PCDHA3: variants seen among roughly 807,000 people sequenced by gnomAD.
PCDHA3 encodes the protein protocadherin alpha 3, also known as protocadherin alpha-3.
Under a neutral mutation model 62.2 loss-of-function variants are expected in PCDHA3, and 41 were observed. That is an observed-to-expected ratio of 0.66 (90% CI 0.51 to 0.86). PCDHA3 has a LOEUF of 0.86. Among genes scored for constraint, PCDHA3 ranks in the 40% least tolerant of loss-of-function variants. The pLI is 0.00. For synonymous variants in PCDHA3, 640 were observed against 555.4 expected (o/e 1.15, Z -2.14); for missense variants, 1,304 against 1,241.2 (o/e 1.05, Z -0.76).
intron 1 of PCDHA3, among the ~76,000 whole-genome samples, chr5:140,960,799 A>C (rs2095571237): frequency 6.6e-6 from 1 of 152,170 alleles, no homozygotes; most frequent in Non-Finnish European, 1.5e-5. Flanking sequence ...TTTCTATTAA[A>C]ATAAGAGGTC....
intron 1 of PCDHA3, chr5:140,823,128 T>G: frequency 3.7e-6 from 6 of 1,613,702 alleles, no homozygotes; most frequent in South Asian, 1.1e-5. Flanking sequence ...ACGACAACGC[T>G]CCGGCGTTCG....
chr5:140,927,848 G>A (rs1295513512), intron 1 of PCDHA3: 3 of 1,614,062 alleles, frequency 1.9e-6, no homozygotes, highest in Non-Finnish European at 2.5e-6. Context: ...GGTGTCTTTG[G>A]TTTAGCTAGC....
chr5:140,849,637 C>A lies in PCDHA3; in HGVS notation c.2394+46046C>A, dbSNP rs1581190048. ...AGTGTGATCGACCTAGACGCAGATG[C>A]CAACGGGCAGGTTACCTGCTCCCTG... On this transcript the variant is annotated intron_variant, in intron 1 of 3. Coordinates refer to ENST00000522353, the MANE Select transcript of PCDHA3 (RefSeq NM_018906.3). 4 of 1,598,688 alleles carry A rather than the reference C, an allele frequency of 2.5e-6. No homozygotes were observed. In the East Asian group the frequency reaches 8.9e-5, roughly 36 times the overall value.
intron 1 of PCDHA3, among the ~76,000 whole-genome samples, chr5:140,916,824 T>C (rs1207821220): frequency 6.6e-6 from 1 of 152,124 alleles, no homozygotes; most frequent in Non-Finnish European, 1.5e-5. Context: ...GCCACCCCTA[T>C]CCCTCTGGTT....
At chr5:140,997,604 G>A (rs1271144424) in intron 3 of PCDHA3, among the ~76,000 whole-genome samples, 2 of 152,136 alleles carry the variant, frequency 1.3e-5, no homozygotes, top group East Asian at 1.9e-4. Flanking sequence ...ATTATGGGGC[G>A]CATGACTATA....
intron 1 of PCDHA3, chr5:140,860,712 G>C (rs1200202390): frequency 5.3e-5 from 8 of 152,188 alleles, no homozygotes; most frequent in African/African-American, 1.9e-4. Flanking sequence ...TGTTCTCCAT[G>C]AAAAGTTTTT....
chr5:140,905,826 T>C (rs782149349), intron 1 of PCDHA3, among the ~76,000 whole-genome samples: 8 of 152,170 alleles, frequency 5.3e-5, no homozygotes, highest in Non-Finnish European at 7.3e-5. Flanking sequence ...TAGATGTGTA[T>C]ATAAAGGGGA....
intron 1 of PCDHA3, chr5:140,834,468 G>A: frequency 6.2e-7 from 1 of 1,614,146 alleles, no homozygotes; most frequent in Non-Finnish European, 8.5e-7. Flanking sequence ...GGCAGGGAGA[G>A]GCCAGCTCCA....
intron 1 of PCDHA3, chr5:140,867,818 C>G (rs1319756642): frequency 6.6e-6 from 1 of 152,040 alleles, no homozygotes; most frequent in African/African-American, 2.4e-5. Flanking sequence ...AATTCCATTT[C>G]CACAAGCACT....
chr5:140,972,270 G>T (rs2096527606), intron 1 of PCDHA3, among the ~76,000 whole-genome samples: 2 of 151,190 alleles, frequency 1.3e-5, no homozygotes, highest in African/African-American at 4.9e-5. Context: ...CTCCTGAGTA[G>T]CTTGGACCAT....
chr5:140,872,003 A>G (rs1314439086), intron 1 of PCDHA3, among the ~76,000 whole-genome samples: 1 of 152,202 alleles, frequency 6.6e-6, no homozygotes, highest in South Asian at 2.1e-4. Context: ...GGCTATTTAC[A>G]GGTGACCTGT....
intron 1 of PCDHA3, chr5:140,867,234 G>T (rs782656807): frequency 2.0e-5 from 3 of 152,032 alleles, no homozygotes; most frequent in African/African-American, 4.8e-5. Context: ...CCATAATAAG[G>T]TGATTGAGGA....
intron 1 of PCDHA3, chr5:140,843,069 G>A (rs2150351711): frequency 5.6e-6 from 9 of 1,595,200 alleles, no homozygotes; most frequent in Admixed American, 1.7e-5. Flanking sequence ...CTGGTGCCGC[G>A]GTCTGTGGGC....
At chr5:140,884,388 T>C in intron 1 of PCDHA3, 1 of 1,613,960 alleles carries the variant, frequency 6.2e-7, no homozygotes, top group Non-Finnish European at 8.5e-7. Flanking sequence ...ATCTGCGCGG[T>C]GTCCAGCCTG....
At chr5:140,919,014 A>G (rs1008657889) in intron 1 of PCDHA3, among the ~76,000 whole-genome samples, 1 of 152,184 alleles carries the variant, frequency 6.6e-6, no homozygotes, top group Non-Finnish European at 1.5e-5. Context: ...TTCATTTCCT[A>G]GTGATCTTCT....
chr5:140,884,634 G>T (rs1263952131), intron 1 of PCDHA3: 2 of 1,612,298 alleles, frequency 1.2e-6, no homozygotes, highest in Middle Eastern at 1.6e-4. Context: ...ACAGGCCAGA[G>T]GGAGGAGGAC....
rs1554125129 is a variant in PCDHA3, at chr5:140,809,304, C to A, written c.2394+5713C>A. 4 of 1,614,122 alleles carry A rather than the reference C, an allele frequency of 2.5e-6. No individual in the cohort carries two copies. In the Admixed American group the frequency reaches 6.7e-5, roughly 27 times the overall value. On this transcript the variant is annotated intron_variant, in intron 1 of 3. Coordinates refer to ENST00000522353, the MANE Select transcript of PCDHA3 (RefSeq NM_018906.3). ...GTATACCTGATCATTGCCATCTGCGCGGTGTCCAGCCTTTTGGTGCTCACG... is the reference window on the plus strand; with the variant it reads ...GTATACCTGATCATTGCCATCTGCGAGGTGTCCAGCCTTTTGGTGCTCACG...
intron 1 of PCDHA3, chr5:140,828,380 G>T (rs150162226): frequency 6.2e-6 from 10 of 1,603,536 alleles, no homozygotes; most frequent in African/African-American, 1.3e-5. Flanking sequence ...GGAGCTGTGC[G>T]GGCGGAGCGC....
intron 1 of PCDHA3, chr5:140,808,895 G>T: frequency 6.2e-7 from 1 of 1,613,490 alleles, no homozygotes; most frequent in South Asian, 1.1e-5. Flanking sequence ...AGCGCCTCGG[G>T]CGGGTGGCAC....
Sources: allele counts gnomAD v4.1 joint callset (sites outside exome capture counted in the v4.1 genomes callset), GRCh38; gene constraint gnomAD v4.1.1; transcripts MANE v1.5; gene names NCBI Gene and HGNC (gene_info 2026-07-23, HGNC 2026-07-21).